DIAPH2: variants seen among roughly 807,000 people sequenced by gnomAD.
DIAPH2 encodes the protein diaphanous related formin 2, also known as protein diaphanous homolog 2.
In DIAPH2, 35 loss-of-function variants were observed where a neutral mutation model predicts 92.7. The observed-to-expected ratio is 0.38, with a 90% CI of 0.29 to 0.50. The LOEUF (loss-of-function observed/expected upper bound fraction) is 0.50, where lower values mean the gene tolerates loss of function less well. DIAPH2 is among the 20% of genes least tolerant of loss of function. The pLI is 0.94. For synonymous variants in DIAPH2, 301 were observed against 280.4 expected, an observed-to-expected ratio of 1.07 and a Z score of -0.73; for missense variants, 701 against 819.5, an observed-to-expected ratio of 0.86 and a Z score of 1.77.
At chrX:97,322,438 G>A (rs1037651784) in intron 23 of DIAPH2, among the ~76,000 whole-genome samples, 5 of 111,731 alleles carry the variant, frequency 4.5e-5, no homozygotes, top group Non-Finnish European at 9.4e-5. Context: ...AGGAAATGAG[G>A]ATGGGGAAGG....
At chrX:97,509,831 C>T (rs1193145959) in intron 26 of DIAPH2, among the ~76,000 whole-genome samples, 8 of 110,584 alleles carry the variant, frequency 7.2e-5, no homozygotes, top group Non-Finnish European at 1.1e-4. Context: ...CTAAAAAGGA[C>T]ATGAACTCAT....
chrX:97,452,900 T>G (rs2070371212), intron 26 of DIAPH2, among the ~76,000 whole-genome samples: 1 of 112,000 alleles, frequency 8.9e-6, no homozygotes, highest in South Asian at 3.7e-4. Flanking sequence ...CTTGTCTTCC[T>G]TCTTTTCTTG....
chrX:97,439,657 G>A, intron 26 of DIAPH2, among the ~76,000 whole-genome samples: 1 of 107,677 alleles, frequency 9.3e-6, no homozygotes. Flanking sequence ...TGTGGTGGGA[G>A]AATCACTTGA....
chrX:97,254,492 C>CAAAAAAA (rs1172020847), intron 23 of DIAPH2, among the ~76,000 whole-genome samples: 10 of 29,056 alleles, frequency 3.4e-4, no homozygotes, highest in African/African-American at 1.1e-3. Context: ...AACTCTGTCT[C>CAAAAAAA]AAAAAAAAAA....
At chrX:96,770,363 G>C (rs1323265453) in intron 4 of DIAPH2, among the ~76,000 whole-genome samples, 2 of 111,747 alleles carry the variant, frequency 1.8e-5, no homozygotes, top group Non-Finnish European at 3.8e-5. Context: ...TTAATAAATT[G>C]AAGTTTTATT....
intron 1 of DIAPH2, among the ~76,000 whole-genome samples, chrX:96,719,371 C>T (rs2079692086): frequency 2.7e-5 from 3 of 112,165 alleles, no homozygotes; most frequent in South Asian, 7.5e-4. Context: ...GTCCAATGTC[C>T]TAGAGGACCT....
At chrX:97,021,410 C>G (rs1444483667) in intron 17 of DIAPH2, among the ~76,000 whole-genome samples, 1 of 111,455 alleles carries the variant, frequency 9.0e-6, no homozygotes, top group Non-Finnish European at 1.9e-5. Context: ...GTCACACAGG[C>G]TGGTGTCGAA....
chrX:97,374,611 T>G (rs374791459), intron 24 of DIAPH2, among the ~76,000 whole-genome samples: 1 of 112,263 alleles, frequency 8.9e-6, no homozygotes, highest in African/African-American at 3.2e-5. Context: ...GCTGATAAAG[T>G]CTTCAGAGGT....
rs180703838 is a variant in DIAPH2 at position 97,382,665 on chromosome X, A to G, written c.3010-1244A>G. The stretch of plus-strand genomic sequence containing the variant: ...ACCTTTGTGCTCCTAGCCTATTGCT[A>G]TGGAGTCTAAGAGCACAAAAACAAT... On this transcript the variant is annotated intron_variant, in intron 24 of 26. Transcript: ENST00000324765. 3.1e-3 allele frequency among the ~76,000 whole-genome samples: 343 copies of G among 111,617 alleles called. 1 individual carries two copies. Among genetic ancestry groups the G allele is most frequent in the African/African-American group, 0.011 (331 of 30,759 alleles).
chrX:96,757,843 A>G (rs2064241736), intron 3 of DIAPH2, among the ~76,000 whole-genome samples: 1 of 112,047 alleles, frequency 8.9e-6, no homozygotes, highest in African/African-American at 3.2e-5. Context: ...CTTTGTTAGC[A>G]TAGATACCAT....
intron 25 of DIAPH2, among the ~76,000 whole-genome samples, chrX:97,413,204 A>G (rs894970295): frequency 1.8e-5 from 2 of 111,563 alleles, no homozygotes; most frequent in African/African-American, 6.5e-5. Context: ...AAGCTTATCC[A>G]TCATGATCAA....
chrX:97,314,550 G>A (rs1013530135), intron 23 of DIAPH2, among the ~76,000 whole-genome samples: 2 of 112,056 alleles, frequency 1.8e-5, no homozygotes, highest in African/African-American at 6.5e-5. Flanking sequence ...TGCTGATAAT[G>A]TACTTTCAAT....
chrX:96,790,076 T>G (rs967440806), intron 4 of DIAPH2, among the ~76,000 whole-genome samples: 2 of 109,054 alleles, frequency 1.8e-5, no homozygotes, highest in African/African-American at 3.3e-5. Context: ...GTTTTTTGTT[T>G]TTTTTTTTTT....
intron 26 of DIAPH2, among the ~76,000 whole-genome samples, chrX:97,440,541 G>A (rs1442950437): frequency 3.9e-5 from 4 of 103,366 alleles, no homozygotes; most frequent in African/African-American, 1.1e-4. Flanking sequence ...GCAGTGAGCC[G>A]AGATTGCACC....
intron 23 of DIAPH2, among the ~76,000 whole-genome samples, chrX:97,292,002 T>G (rs1281032138): frequency 9.0e-6 from 1 of 111,335 alleles, no homozygotes; most frequent in Non-Finnish European, 1.9e-5. Context: ...AATCAGCCCT[T>G]CTGACATTTA....
chrX:97,508,341 G>T (rs2070852199), intron 26 of DIAPH2, among the ~76,000 whole-genome samples: 1 of 111,615 alleles, frequency 9.0e-6, no homozygotes, highest in Admixed American at 9.5e-5. Context: ...ATAGATTTAG[G>T]GTTGATAAAC....
intron 4 of DIAPH2, among the ~76,000 whole-genome samples, chrX:96,769,415 G>A (rs750152785): frequency 1.2e-3 from 137 of 111,900 alleles, no homozygotes; most frequent in African/African-American, 4.3e-3. Context: ...TTTATAATTT[G>A]GTTCTCTGTT....
intron 26 of DIAPH2, among the ~76,000 whole-genome samples, chrX:97,520,598 C>T (rs1406156110): frequency 8.9e-6 from 1 of 112,161 alleles, no homozygotes; most frequent in Non-Finnish European, 1.9e-5. Context: ...CCTTCATCTA[C>T]TTCCCAGAAA....
At chrX:97,105,987 A>C (rs1461660164) in intron 20 of DIAPH2, among the ~76,000 whole-genome samples, 1 of 111,340 alleles carries the variant, frequency 9.0e-6, no homozygotes, top group Non-Finnish European at 1.9e-5. Context: ...TGTGCTTTTT[A>C]ATTTTTTTAA....
Sources: allele counts gnomAD v4.1 joint callset (sites outside exome capture counted in the v4.1 genomes callset), GRCh38; gene constraint gnomAD v4.1.1; transcripts MANE v1.5; gene names NCBI Gene and HGNC (gene_info 2026-07-23, HGNC 2026-07-21).